Variants in SOD2 observed in about 807,000 individuals in gnomAD.
The protein encoded by SOD2 is superoxide dismutase 2.
SOD2 carries 11 observed loss-of-function variants against 27.0 expected under a neutral mutation model. That is an observed-to-expected ratio of 0.41 (90% CI 0.26 to 0.67). SOD2 has a LOEUF of 0.67. Ranked by LOEUF, SOD2 falls within the 30% of genes least tolerant of loss-of-function variation. SOD2 has a pLI of 0.34. For synonymous variants in SOD2, 105 were observed against 103.0 expected (o/e 1.02, Z -0.12); for missense variants, 250 against 274.5 (o/e 0.91, Z 0.63).
Position 159,741,945 on chromosome 6 carries a change from C to CT in SOD2, c.-116+3184dup, listed in dbSNP as rs946945717. The CT allele has an allele frequency of 1.3e-4, 85 of 635,396 alleles. 1 individual carries two copies. Among genetic ancestry groups the CT allele is most frequent in the Middle Eastern group, 4.5e-4 (1 of 2,234 alleles). The allele number at this position is 635,396 out of a possible 1,614,324, so 39.4% of individuals were successfully genotyped here. A position where few individuals can be genotyped will look rare whatever the true frequency, so the allele number is the denominator to read the frequency against. Reference sequence around the variant, plus strand: ...CCAGCCTGGGGGACAGAGCGAGACTCTGTCTAAAAAAAACTAGATTTAAAA... The same window carrying CT: ...CCAGCCTGGGGGACAGAGCGAGACTCTTGTCTAAAAAAAACTAGATTTAAAA... On this transcript the variant is annotated intron_variant, in intron 1 of 3. Transcript: ENST00000537657.
At chr6:159,693,263 G>A (rs532632142), upstream of SOD2, 972 of 1,244,314 alleles carry the variant, frequency 7.8e-4, 10 homozygotes, top group African/African-American at 0.014. Context: ...GCCGCCCGCG[G>A]GCCTTAAGAA....
chr6:159,717,464 G>A (rs1290058282), intron 1 of SOD2, among the ~76,000 whole-genome samples: 2 of 152,092 alleles, frequency 1.3e-5, no homozygotes, highest in African/African-American at 2.4e-5. Context: ...ATATTCTGGA[G>A]TACACTGTGA....
At chr6:159,758,952 G>A (rs1780068610) in intron 1 of SOD2, among the ~76,000 whole-genome samples, 1 of 152,166 alleles carries the variant, frequency 6.6e-6, no homozygotes, top group Non-Finnish European at 1.5e-5. Flanking sequence ...CTGTAATGAT[G>A]GCTCCTCATG....
upstream of SOD2, chr6:159,748,283 A>G (rs370080150): frequency 1.3e-5 from 21 of 1,613,978 alleles, no homozygotes; most frequent in African/African-American, 2.7e-4. This position sits in a 1 kb window ranked among gnomAD's most constrained non-coding sequence, Gnocchi z 5.6. Flanking sequence ...TGTTTTTCCT[A>G]AAAATGAAAG....
At chr6:159,707,077 A>G (rs976366666) in intron 1 of SOD2, among the ~76,000 whole-genome samples, 4 of 152,236 alleles carry the variant, frequency 2.6e-5, no homozygotes, top group Non-Finnish European at 5.9e-5. Flanking sequence ...CAACGAGAAC[A>G]AAGACACAAC....
intron 4 of SOD2, among the ~76,000 whole-genome samples, chr6:159,683,204 C>G (rs2114764777): frequency 6.6e-6 from 1 of 152,330 alleles, no homozygotes; most frequent in East Asian, 1.9e-4. Context: ...AACTTTTGGT[C>G]TGGGCGCAGT....
intron 1 of SOD2, among the ~76,000 whole-genome samples, chr6:159,708,385 A>C (rs1236886373): frequency 1.3e-5 from 2 of 152,246 alleles, no homozygotes; most frequent in South Asian, 2.1e-4. Context: ...ATCTCAGCCC[A>C]AAATCTCCTT....
At chr6:159,754,951 CTTTG>C in intron 1 of SOD2, 1 of 1,411,144 alleles carries the variant, frequency 7.1e-7, no homozygotes, top group Non-Finnish European at 9.4e-7. Context: ...GACTCCCTTG[CTTTG>C]TGGCAGGCAC....
rs201297522 is a variant in SOD2 at position 159,692,887 on chromosome 6, G to C, written c.24-24C>G. The stretch of plus-strand genomic sequence containing the variant: ...TGCTGAAGACGAGAAAGCACAGCCC[G>C]GTCAGTCAGCGCCGCGGGACCGTCT... On this transcript the variant is annotated intron_variant, in intron 1 of 4. Transcript: ENST00000538183. The C allele has an allele frequency of 2.6e-4, 413 of 1,563,076 alleles. No individual in the cohort carries two copies. In the African/African-American group the frequency reaches 5.0e-3, roughly 19 times the overall value.
In SOD2 at chr6:159,669,496, A is replaced by G. The variant is rs1451859600; in HGVS notation, c.*12997T>C. 1.3e-5 allele frequency: 2 copies of G among 152,148 alleles called. No homozygotes were observed. Among genetic ancestry groups the G allele is most frequent in the Non-Finnish European group, 2.9e-5 (2 of 68,034 alleles). 9.4% of individuals were successfully genotyped at this position (152,148 alleles called of 1,614,324 possible). ...ATCTGGGTCATCCAGTGTGGGGTAC[A>G]TATATATTTATAATGATAATATCCT... On this transcript the variant is annotated 3_prime_UTR_variant, in exon 5 of 5. Coordinates refer to ENST00000538183, the MANE Select transcript of SOD2 (RefSeq NM_000636.4).
chr6:159,755,111 G>C, intron 1 of SOD2: 1 of 1,614,192 alleles, frequency 6.2e-7, no homozygotes, highest in Non-Finnish European at 8.5e-7. Context: ...GCAGCTGAAG[G>C]AGACACGCCA....
At position 159,669,947 on chromosome 6, in the gene SOD2, T is replaced by C. The variant is rs1779619531; in HGVS notation, c.*12546A>G. The C allele has an allele frequency of 6.6e-6, 1 of 152,222 alleles. No homozygotes were observed. The highest frequency in any genetic ancestry group is 2.4e-5 in the African/African-American group (1 of 41,466). 9.4% of individuals were successfully genotyped at this position (152,222 alleles called of 1,614,324 possible). A position where few individuals can be genotyped will look rare whatever the true frequency, so the allele number is the denominator to read the frequency against. ...AGTGGGAGAATTTAATCCATTTACA[T>C]TCAAAGTTATCATCAATAGAGGTGC... On this transcript the variant is annotated 3_prime_UTR_variant, in exon 5 of 5. Coordinates refer to ENST00000538183, the MANE Select transcript of SOD2 (RefSeq NM_000636.4).
upstream of SOD2, among the ~76,000 whole-genome samples, chr6:159,729,251 A>T (rs989832417): frequency 6.6e-6 from 1 of 152,172 alleles, no homozygotes; most frequent in African/African-American, 2.4e-5. Flanking sequence ...ATTGTACGTT[A>T]GTTAGTAGGT....
At chr6:159,744,988 A>T (rs1376286813) in intron 1 of SOD2, 14 of 151,920 alleles carry the variant, frequency 9.2e-5, no homozygotes, top group Admixed American at 9.2e-4. Flanking sequence ...GCCCATTATC[A>T]TTTTCTCTAC....
intron 1 of SOD2, chr6:159,755,677 A>G: frequency 7.3e-7 from 1 of 1,371,866 alleles, no homozygotes; most frequent in Non-Finnish European, 9.4e-7. Flanking sequence ...CAGAAAATTA[A>G]TGCATACTTT....
rs140514215 is a variant in SOD2 at position 159,753,842 on chromosome 6, T to C, written c.-335-5166A>G. Reference sequence around the variant, plus strand: ...TCTTTATTGTTCAAAATTTCTTACATTTTTGTTTTTAGTTGGGGGTAGGAT... The same window carrying C: ...TCTTTATTGTTCAAAATTTCTTACACTTTTGTTTTTAGTTGGGGGTAGGAT... On this transcript the variant is annotated intron_variant, in intron 1 of 7. Transcript: ENST00000546087. 5.2e-3 allele frequency among the ~76,000 whole-genome samples: 798 copies of C among 152,318 alleles called. 5 individuals are homozygous for C. Among genetic ancestry groups the C allele is most frequent in the African/African-American group, 0.017 (698 of 41,562 alleles).
At chr6:159,762,268 G>C (rs1484190329) in exon 1 of SOD2, 2 of 1,323,130 alleles carry the variant, frequency 1.5e-6, no homozygotes, top group Non-Finnish European at 2.0e-6. Flanking sequence ...GCCGCGAGGA[G>C]CCGCGGGATC....
chr6:159,729,690 G>A (rs2114864560), upstream of SOD2, among the ~76,000 whole-genome samples: 1 of 152,292 alleles, frequency 6.6e-6, no homozygotes, highest in Middle Eastern at 3.4e-3. Flanking sequence ...GACTTGCTTG[G>A]AATCACACAT....
chr6:159,752,758 TCC>T (rs1779868877), intron 1 of SOD2, among the ~76,000 whole-genome samples: 2 of 152,186 alleles, frequency 1.3e-5, no homozygotes, highest in South Asian at 4.1e-4. Context: ...CTTCCCTCTC[TCC>T]TCCTCTTTTT....
Sources: allele counts gnomAD v4.1 joint callset (sites outside exome capture counted in the v4.1 genomes callset), GRCh38; gene constraint gnomAD v4.1.1; non-coding constraint Gnocchi (gnomAD v3.1); transcripts MANE v1.5; gene names NCBI Gene and HGNC (gene_info 2026-07-23, HGNC 2026-07-21).